Variants in RMDN2 observed in about 807,000 individuals in gnomAD.
RMDN2 encodes regulator of microtubule dynamics 2.
A neutral mutation model predicts 52.8 loss-of-function variants in RMDN2; 61 were observed. The ratio of observed to expected loss-of-function variants is 1.16; its 90% CI spans 0.94 to 1.43. RMDN2 has a LOEUF of 1.43. Among genes scored for constraint, RMDN2 ranks in the 40% most tolerant of loss-of-function variants. The probability of loss-of-function intolerance (pLI) is 0.00; values close to 1 mark genes in which losing one functional copy is unlikely to be tolerated. For missense variants in RMDN2, 592 were observed against 475.3 expected, an observed-to-expected ratio of 1.25 and a Z score of -2.28; for synonymous variants, 180 against 153.1, an observed-to-expected ratio of 1.18 and a Z score of -1.30.
intron 2 of RMDN2, among the ~76,000 whole-genome samples, chr2:37,970,685 TAGAG>T (rs1200619389): frequency 3.3e-5 from 5 of 152,140 alleles, no homozygotes; most frequent in African/African-American, 1.2e-4. Context: ...GAGCAAGAGA[TAGAG>T]AGCAAGTTGC....
chr2:37,967,693 T>G (rs945497536), intron 2 of RMDN2, among the ~76,000 whole-genome samples: 11 of 152,226 alleles, frequency 7.2e-5, no homozygotes, highest in African/African-American at 2.4e-4. Context: ...TCCTGCTCAT[T>G]CCTCTCATCG....
intron 5 of RMDN2, among the ~76,000 whole-genome samples, chr2:37,986,703 A>C (rs1674065947): frequency 6.6e-6 from 1 of 151,914 alleles, no homozygotes; most frequent in African/African-American, 2.4e-5. Context: ...TAACAGACAC[A>C]GAAAAAGCAT....
At chr2:38,034,852 T>A (rs1403620039) in intron 10 of RMDN2, among the ~76,000 whole-genome samples, 4 of 141,868 alleles carry the variant, frequency 2.8e-5, no homozygotes, top group Non-Finnish European at 6.4e-5. Context: ...AAAGGAATAC[T>A]GTTTTAATAT....
intron 2 of RMDN2, among the ~76,000 whole-genome samples, chr2:37,939,500 C>T (rs1194207131): frequency 6.6e-6 from 1 of 152,108 alleles, no homozygotes; most frequent in Non-Finnish European, 1.5e-5. Context: ...GTGTTAAATT[C>T]TCCCACTCTT....
intron 10 of RMDN2, among the ~76,000 whole-genome samples, chr2:38,010,059 C>T (rs1041016227): frequency 6.6e-6 from 1 of 152,154 alleles, no homozygotes; most frequent in Non-Finnish European, 1.5e-5. Context: ...GCTGCCTGAT[C>T]GTTCCTCTGG....
chr2:38,045,756 G>T (rs1226708723), intron 10 of RMDN2, among the ~76,000 whole-genome samples: 2 of 152,140 alleles, frequency 1.3e-5, no homozygotes, highest in Non-Finnish European at 2.9e-5. Flanking sequence ...TTCTCCCCCA[G>T]CTTAGTTGGT....
intron 2 of RMDN2, among the ~76,000 whole-genome samples, chr2:37,964,198 G>C (rs900133137): frequency 6.6e-6 from 1 of 151,740 alleles, no homozygotes; most frequent in Non-Finnish European, 1.5e-5. Context: ...GCCGGGCGGA[G>C]GGGCTCCTCA....
chr2:38,001,863 A>G (rs1265944710), intron 8 of RMDN2, among the ~76,000 whole-genome samples: 1 of 152,236 alleles, frequency 6.6e-6, no homozygotes, highest in Non-Finnish European at 1.5e-5. Context: ...ACCAGAATCC[A>G]TTGATTAAGA....
At chr2:37,970,377 C>G (rs1421183617) in intron 2 of RMDN2, among the ~76,000 whole-genome samples, 1 of 152,078 alleles carries the variant, frequency 6.6e-6, no homozygotes, top group Non-Finnish European at 1.5e-5. Context: ...CTTGTAATTT[C>G]TAGTATAATC....
intron 10 of RMDN2, among the ~76,000 whole-genome samples, chr2:38,060,314 CAA>C (rs1284587210): frequency 1.3e-5 from 2 of 152,074 alleles, no homozygotes; most frequent in African/African-American, 2.4e-5. Context: ...GAAATCAAAA[CAA>C]GAGAGCAGGC....
intron 7 of RMDN2, among the ~76,000 whole-genome samples, chr2:37,996,098 A>T (rs1238328071): frequency 6.6e-6 from 1 of 152,198 alleles, no homozygotes; most frequent in Non-Finnish European, 1.5e-5. Context: ...GAAATATTTC[A>T]GTTATTTAAA....
At chr2:37,951,504 G>A (rs1392182005) in intron 2 of RMDN2, 30 of 1,611,796 alleles carry the variant, frequency 1.9e-5, no homozygotes, top group Non-Finnish European at 2.5e-5. Context: ...ACAAAGTAGA[G>A]CTAACTTTGA....
chr2:37,929,506 G>C lies in RMDN2; in HGVS notation c.229G>C (p.Glu77Gln). The part of the protein sequence containing the change: ...IFQERQLQIL[E>Q]KLNELLTNME... ...TCAAGAAAGGCAACTTCAGATACTG[G>C]AGAAGTTAAACGAATTACTGACAAA... The change falls in exon 2 of 11, where the codon GAG becomes CAG. Residue 77 changes from glutamate to glutamine, a missense_variant. Coordinates refer to ENST00000354545, the MANE Select transcript of RMDN2 (RefSeq NM_001170791.3). 6.4e-7 allele frequency: 1 copy of C among 1,551,184 alleles called. No homozygotes were observed. Among genetic ancestry groups the C allele is most frequent in the East Asian group, 2.4e-5 (1 of 40,908 alleles).
intron 10 of RMDN2, among the ~76,000 whole-genome samples, chr2:38,048,693 C>A (rs1660146618): frequency 6.6e-6 from 1 of 152,186 alleles, no homozygotes; most frequent in Non-Finnish European, 1.5e-5. Context: ...AGTCAGGGAT[C>A]CTTCCCAGTG....
intron 2 of RMDN2, among the ~76,000 whole-genome samples, chr2:37,965,205 A>C (rs577035874): frequency 1.3e-5 from 2 of 152,248 alleles, no homozygotes; most frequent in African/African-American, 4.8e-5. Context: ...TTGATTGAGG[A>C]ATTTAATCCC....
intron 8 of RMDN2, among the ~76,000 whole-genome samples, chr2:38,001,801 A>G (rs1676359366): frequency 6.6e-6 from 1 of 152,230 alleles, no homozygotes; most frequent in Non-Finnish European, 1.5e-5. Context: ...TGATTAGACA[A>G]GAGAGAAACA....
chr2:37,995,939 C>T (rs1350690700), intron 7 of RMDN2, among the ~76,000 whole-genome samples: 1 of 152,038 alleles, frequency 6.6e-6, no homozygotes, highest in Non-Finnish European at 1.5e-5. Context: ...TATGGAGCAG[C>T]GGGAATTATT....
downstream of RMDN2, among the ~76,000 whole-genome samples, chr2:38,021,232 C>G (rs1051037596): frequency 1.3e-5 from 2 of 152,100 alleles, no homozygotes; most frequent in African/African-American, 4.8e-5. Context: ...ATTGTAAACA[C>G]GCCAATCAGC....
rs374227520 is a variant in RMDN2 at position 37,941,728 on chromosome 2, G to A, written c.452+11999G>A. On this transcript the variant is annotated intron_variant, in intron 2 of 10. Transcript: ENST00000354545. Reference sequence around the variant, plus strand: ...AACTGCCTACTCACGCCTCAGTAATGGTGGATGCCCCTTCCCCACCATGCT... The same window carrying A: ...AACTGCCTACTCACGCCTCAGTAATAGTGGATGCCCCTTCCCCACCATGCT... Among the ~76,000 whole-genome samples, 6 of 152,270 alleles carry A rather than the reference G, an allele frequency of 3.9e-5. No homozygotes were observed. In the East Asian group the frequency reaches 1.2e-3, roughly 29 times the overall value.
Sources: gnomAD v4.1 joint callset for allele counts (sites outside exome capture counted in the v4.1 genomes callset) on GRCh38, gnomAD v4.1.1 for gene constraint, MANE v1.5 for transcripts, NCBI Gene and HGNC (gene_info 2026-07-23, HGNC 2026-07-21) for gene names.